GABRB3: variants seen among roughly 807,000 people sequenced by gnomAD.
GABRB3 encodes gamma-aminobutyric acid receptor subunit beta-3.
Under a neutral mutation model 52.1 loss-of-function variants are expected in GABRB3, and 14 were observed. That is an observed-to-expected ratio of 0.27 (90% confidence interval 0.18 to 0.42). The LOEUF is 0.42. Ranked by LOEUF, GABRB3 falls within the 10% of genes least tolerant of loss-of-function variation. GABRB3 has a pLI of 1.00. For synonymous variants in GABRB3, 260 were observed against 232.3 expected (o/e 1.12, Z -1.08); for missense variants, 307 against 609.1 (o/e 0.50, Z 5.22).
chr15:26,723,566 G>A (rs1320851066), intron 3 of GABRB3, among the ~76,000 whole-genome samples: 1 of 152,174 alleles, frequency 6.6e-6, no homozygotes, highest in Non-Finnish European at 1.5e-5. Context: ...GCACCCATGG[G>A]TGGGAAGTGC....
chr15:26,620,687 C>T lies in GABRB3; in HGVS notation c.461+627G>A, dbSNP rs563481959. ...GGTGATATTCAAAATAATTGACCAC[C>T]AGCTGGGATGGAGCTCTATGGAAAG... On this transcript the variant is annotated intron_variant, in intron 4 of 8. Coordinates refer to ENST00000311550, the MANE Select transcript of GABRB3 (RefSeq NM_000814.6). Among the ~76,000 whole-genome samples the T allele has an allele frequency of 3.9e-5, 6 of 152,266 alleles. No homozygotes were observed. The South Asian group carries it at 1.0e-3, about 26-fold the overall frequency.
intron 3 of GABRB3, among the ~76,000 whole-genome samples, chr15:26,725,745 A>G (rs1595553535): frequency 6.6e-6 from 1 of 152,212 alleles, no homozygotes; most frequent in Non-Finnish European, 1.5e-5. Flanking sequence ...AAGTCTAAGC[A>G]TGAAATTCAT....
At chr15:26,618,169 A>G (rs1439256746) in intron 4 of GABRB3, among the ~76,000 whole-genome samples, 2 of 152,172 alleles carry the variant, frequency 1.3e-5, no homozygotes, top group Admixed American at 6.5e-5. Context: ...AAACTACTTT[A>G]AAGTTCATAC....
chr15:26,706,105 T>C (rs1889091660), intron 3 of GABRB3, among the ~76,000 whole-genome samples: 1 of 152,150 alleles, frequency 6.6e-6, no homozygotes. Context: ...GGATGTTGAT[T>C]ATGCCTCAAA....
chr15:26,568,600 C>T (rs1016459380), intron 6 of GABRB3, among the ~76,000 whole-genome samples: 39 of 149,338 alleles, frequency 2.6e-4, no homozygotes, highest in Non-Finnish European at 1.6e-4. Flanking sequence ...CTGGTTCAGG[C>T]GATTCTCTTG....
At chr15:26,669,632 C>T (rs766018966) in intron 3 of GABRB3, among the ~76,000 whole-genome samples, 1 of 152,064 alleles carries the variant, frequency 6.6e-6, no homozygotes, top group Non-Finnish European at 1.5e-5. Flanking sequence ...CTCCCCACCC[C>T]TCTCCTTTAA....
At chr15:26,729,747 G>C (rs1326224083) in intron 3 of GABRB3, among the ~76,000 whole-genome samples, 1 of 152,108 alleles carries the variant, frequency 6.6e-6, no homozygotes, top group African/African-American at 2.4e-5. Flanking sequence ...ACTTCCTCCA[G>C]GTGCATGCTC....
At chr15:26,689,789 C>T (rs1888526282) in intron 3 of GABRB3, among the ~76,000 whole-genome samples, 1 of 152,074 alleles carries the variant, frequency 6.6e-6, no homozygotes, top group African/African-American at 2.4e-5. Flanking sequence ...CTGCCATCAG[C>T]GGTGAAGCCA....
chr15:26,560,428 C>A (rs1889935713), intron 8 of GABRB3, among the ~76,000 whole-genome samples: 1 of 152,138 alleles, frequency 6.6e-6, no homozygotes, highest in East Asian at 1.9e-4. Context: ...AGCCCCAGTC[C>A]AAATGCCCTC....
intron 3 of GABRB3, chr15:26,629,235 C>T (rs1892836452): frequency 1.4e-6 from 2 of 1,393,752 alleles, no homozygotes; most frequent in Non-Finnish European, 1.9e-6. Flanking sequence ...GAAAGGAGGG[C>T]AGCGCGGAAG....
chr15:26,587,596 A>C (rs1891041450), intron 4 of GABRB3, among the ~76,000 whole-genome samples: 2 of 152,102 alleles, frequency 1.3e-5, no homozygotes. Flanking sequence ...AAATCATCGA[A>C]TGTGTGCTCC....
chr15:26,704,614 A>C (rs1157304819), intron 3 of GABRB3, among the ~76,000 whole-genome samples: 1 of 106,514 alleles, frequency 9.4e-6, no homozygotes, highest in Non-Finnish European at 2.3e-5. Flanking sequence ...ATTTTACTGT[A>C]AGCATGTAAA....
chr15:26,564,218 T>A (rs148034847), intron 7 of GABRB3, among the ~76,000 whole-genome samples: 19 of 152,232 alleles, frequency 1.2e-4, no homozygotes, highest in African/African-American at 4.6e-4. Context: ...TAGAAAAAAA[T>A]CTGATTTTCA....
At chr15:26,640,994 C>T (rs150458984) in intron 3 of GABRB3, among the ~76,000 whole-genome samples, 298 of 152,268 alleles carry the variant, frequency 2.0e-3, no homozygotes, top group African/African-American at 7.0e-3. Flanking sequence ...AAACTGTTGT[C>T]GCTTAAAATG....
At position 26,716,999 on chromosome 15, in the gene GABRB3, TGACA is replaced by T. The variant is rs775661701; in HGVS notation, c.240+55399_240+55402del. On this transcript the variant is annotated intron_variant, in intron 3 of 8. Transcript: ENST00000311550. ...CCCAGCTCTGGGGACATCCACCCAA[TGACA>T]GACAGCCCAGCTCTTGGGACCTCCA... 4.0e-3 allele frequency among the ~76,000 whole-genome samples: 390 copies of T among 96,308 alleles called. 58 individuals carry two copies. Among genetic ancestry groups the T allele is most frequent in the Non-Finnish European group, 5.8e-3 (258 of 44,544 alleles). The allele number at this position is 96,308 out of a possible 152,430, so 63.2% of individuals were successfully genotyped here.
chr15:26,734,196 A>AT (rs984500568), intron 3 of GABRB3, among the ~76,000 whole-genome samples: 9 of 151,714 alleles, frequency 5.9e-5, no homozygotes, highest in Non-Finnish European at 1.0e-4. Flanking sequence ...CACCCAGCTA[A>AT]TTTTTTGTGT....
At chr15:26,763,554 T>C (rs1013719112) in intron 3 of GABRB3, among the ~76,000 whole-genome samples, 2 of 151,196 alleles carry the variant, frequency 1.3e-5, no homozygotes, top group Non-Finnish European at 2.9e-5. Flanking sequence ...AATATTACAA[T>C]AAATTATCCG....
intron 3 of GABRB3, among the ~76,000 whole-genome samples, chr15:26,691,270 A>G (rs1888578519): frequency 6.6e-6 from 1 of 152,148 alleles, no homozygotes; most frequent in South Asian, 2.1e-4. Flanking sequence ...CTATGGTAAC[A>G]TGAAGCAAAG....
chr15:26,544,633 G>C lies in GABRB3; in HGVS notation c.*3160C>G, dbSNP rs1483796399. Reference sequence around the variant, plus strand: ...AACACTTGTTTTAAGGACTACTCAAGTCTATCAGTCTTTCTCTGTAGGGAG... The same window carrying C: ...AACACTTGTTTTAAGGACTACTCAACTCTATCAGTCTTTCTCTGTAGGGAG... On this transcript the variant is annotated 3_prime_UTR_variant, in exon 9 of 9. Transcript: ENST00000311550. 6.6e-6 allele frequency: 1 copy of C among 152,170 alleles called. No individual in the cohort carries two copies. The highest frequency in any genetic ancestry group is 1.9e-4 in the East Asian group (1 of 5,188). The allele number at this position is 152,170 out of a possible 1,614,324, so 9.4% of individuals were successfully genotyped here.
Sources: allele counts gnomAD v4.1 joint callset (sites outside exome capture counted in the v4.1 genomes callset), GRCh38; gene constraint gnomAD v4.1.1; transcripts MANE v1.5; gene names NCBI Gene and HGNC (gene_info 2026-07-23, HGNC 2026-07-21).